The following KIAA1328 variants were observed in gnomAD, a reference collection of about 807,000 sequenced individuals.
KIAA1328 encodes protein hinderin.
In KIAA1328, 52 loss-of-function variants were observed where a neutral mutation model predicts 68.1. That is an observed-to-expected ratio of 0.76 (90% CI 0.61 to 0.96). KIAA1328 has a LOEUF of 0.96. KIAA1328 is among the 40% of genes least tolerant of loss of function. The probability of loss-of-function intolerance (pLI) is 0.00; values close to 1 mark genes in which losing one functional copy is unlikely to be tolerated. For synonymous variants in KIAA1328, 232 were observed against 239.4 expected (o/e 0.97, Z 0.28); for missense variants, 641 against 677.6 (o/e 0.95, Z 0.60).
At chr18:37,016,909 A>G (rs1326762615) in intron 6 of KIAA1328, among the ~76,000 whole-genome samples, 1 of 152,136 alleles carries the variant, frequency 6.6e-6, no homozygotes, top group Non-Finnish European at 1.5e-5. Context: ...TATCCTTTCA[A>G]ATAACCAATG....
chr18:36,962,255 C>T (rs1438239847), intron 6 of KIAA1328, among the ~76,000 whole-genome samples: 1 of 152,156 alleles, frequency 6.6e-6, no homozygotes, highest in Non-Finnish European at 1.5e-5. Flanking sequence ...GAGATCAATT[C>T]CACAAGAAAA....
At chr18:37,031,996 A>G (rs1002681831) in intron 6 of KIAA1328, among the ~76,000 whole-genome samples, 1 of 151,984 alleles carries the variant, frequency 6.6e-6, no homozygotes, top group African/African-American at 2.4e-5. Flanking sequence ...GTGAAACCCC[A>G]TCTCTACAAA....
At chr18:36,935,235 A>G (rs188565148) in intron 5 of KIAA1328, among the ~76,000 whole-genome samples, 40 of 152,370 alleles carry the variant, frequency 2.6e-4, no homozygotes, top group Non-Finnish European at 3.5e-4. Context: ...ACAGAAGGTG[A>G]TGGCCTACTA....
At chr18:37,123,444 A>G (rs563640335) in intron 7 of KIAA1328, among the ~76,000 whole-genome samples, 38 of 152,344 alleles carry the variant, frequency 2.5e-4, no homozygotes, top group African/African-American at 8.4e-4. Context: ...AATAGAGCTG[A>G]CAAACTATCA....
chr18:37,009,354 T>C (rs930270481), intron 6 of KIAA1328, among the ~76,000 whole-genome samples: 2 of 152,170 alleles, frequency 1.3e-5, no homozygotes, highest in Non-Finnish European at 2.9e-5. Flanking sequence ...ATGTAAGAAG[T>C]TTTTCCATAG....
chr18:36,973,014 G>T (rs1162725555), intron 6 of KIAA1328, among the ~76,000 whole-genome samples: 1 of 152,168 alleles, frequency 6.6e-6, no homozygotes, highest in Non-Finnish European at 1.5e-5. Context: ...CTAATCTGTA[G>T]AATGGATTAT....
chr18:36,904,667 C>T (rs1363503797), intron 5 of KIAA1328, among the ~76,000 whole-genome samples: 1 of 152,058 alleles, frequency 6.6e-6, no homozygotes, highest in East Asian at 1.9e-4. Context: ...GCTTTTTATT[C>T]CAATCTGACA....
At chr18:37,051,938 A>T (rs1413176400) in intron 6 of KIAA1328, among the ~76,000 whole-genome samples, 1 of 151,888 alleles carries the variant, frequency 6.6e-6, no homozygotes, top group African/African-American at 2.4e-5. Flanking sequence ...GCTATTTGGG[A>T]GGCTGAGGCA....
chr18:37,039,355 TG>T (rs1218395527), intron 6 of KIAA1328, among the ~76,000 whole-genome samples: 1 of 152,054 alleles, frequency 6.6e-6, no homozygotes, highest in Non-Finnish European at 1.5e-5. Context: ...TTTGTGGAAA[TG>T]TTTTTTTCAA....
intron 6 of KIAA1328, among the ~76,000 whole-genome samples, chr18:37,002,228 C>CTTTTTTTTTTTTTTTTTTTTTTTTT (rs145948250): frequency 1.1e-5 from 1 of 95,162 alleles, no homozygotes; most frequent in Non-Finnish European, 2.1e-5. Context: ...ATTTTTTTTT[C>CTTTTTTTTTTTTTTTTTTTTTTTTT]TTTTTTTTTT....
chr18:37,139,699 G>T (rs2058726229), intron 7 of KIAA1328, among the ~76,000 whole-genome samples: 2 of 152,198 alleles, frequency 1.3e-5, no homozygotes, highest in South Asian at 4.1e-4. Context: ...CGTGAATTTA[G>T]TTGGGTTAAA....
At chr18:36,880,726 A>G (rs556952523) in intron 4 of KIAA1328, among the ~76,000 whole-genome samples, 12 of 152,016 alleles carry the variant, frequency 7.9e-5, no homozygotes, top group African/African-American at 2.4e-4. Context: ...TTAAAAAAAG[A>G]TTCTTTTTAT....
chr18:37,060,152 TATA>T (rs374541131), intron 6 of KIAA1328, among the ~76,000 whole-genome samples: 10 of 151,066 alleles, frequency 6.6e-5, no homozygotes, highest in East Asian at 1.9e-4. Flanking sequence ...GAACTTAAAG[TATA>T]ATAATAATAA....
chr18:36,876,225 A>G (rs2048119480), intron 4 of KIAA1328, among the ~76,000 whole-genome samples: 1 of 152,142 alleles, frequency 6.6e-6, no homozygotes, highest in Non-Finnish European at 1.5e-5. Context: ...TGTTTGGAAT[A>G]GTTTCCAAAG....
intron 6 of KIAA1328, among the ~76,000 whole-genome samples, chr18:36,991,105 GA>G (rs1411221691): frequency 6.6e-6 from 1 of 151,986 alleles, no homozygotes; most frequent in African/African-American, 2.4e-5. Context: ...TTACATTATA[GA>G]AAATTTGAAA....
chr18:37,076,853 A>C (rs2056756352), intron 7 of KIAA1328, among the ~76,000 whole-genome samples: 1 of 152,018 alleles, frequency 6.6e-6, no homozygotes, highest in Non-Finnish European at 1.5e-5. Flanking sequence ...TAGCTTACCA[A>C]CCAAAAAGAG....
Position 37,204,948 on chromosome 18 carries a change from T to G in KIAA1328, c.1524-17069T>G, listed in dbSNP as rs2060189559. Among the ~76,000 whole-genome samples the G allele has an allele frequency of 2.1e-5, 3 of 145,698 alleles. No individual in the cohort carries two copies. The South Asian group carries it at 6.4e-4, about 31-fold the overall frequency. On this transcript the variant is annotated intron_variant, in intron 9 of 9. Transcript: ENST00000280020. ...TTCAGCCAGGACAAACAACCACTAT[T>G]TATGGCTTTTGACCTTGTTGTTGTT...
At chr18:37,091,419 G>T (rs2057264137) in intron 7 of KIAA1328, among the ~76,000 whole-genome samples, 2 of 152,170 alleles carry the variant, frequency 1.3e-5, no homozygotes, top group African/African-American at 2.4e-5. Context: ...TATAGGGAAA[G>T]AGTTAGCAAG....
intron 6 of KIAA1328, among the ~76,000 whole-genome samples, chr18:36,976,875 T>C (rs2052492912): frequency 6.6e-6 from 1 of 152,168 alleles, no homozygotes; most frequent in Non-Finnish European, 1.5e-5. Flanking sequence ...TTGACTTGTG[T>C]TGTTATATGA....
Sources: allele counts gnomAD v4.1 joint callset (sites outside exome capture counted in the v4.1 genomes callset), GRCh38; gene constraint gnomAD v4.1.1; transcripts MANE v1.5; gene names NCBI Gene and HGNC (gene_info 2026-07-23, HGNC 2026-07-21).